ATP8B1: variants seen among roughly 807,000 people sequenced by gnomAD.
The protein encoded by ATP8B1 is ATPase phospholipid transporting 8B1.
Under a neutral mutation model 149.9 loss-of-function variants are expected in ATP8B1, and 80 were observed. The ratio of observed to expected loss-of-function variants is 0.53; its 90% confidence interval spans 0.45 to 0.64. ATP8B1 has a LOEUF of 0.64. Among genes scored for constraint, ATP8B1 ranks in the 30% least tolerant of loss-of-function variants. ATP8B1 has a pLI of 0.00. For missense variants in ATP8B1, 1,247 were observed against 1,552.6 expected, an observed-to-expected ratio of 0.80 and a Z score of 3.31; for synonymous variants, 536 against 562.8, an observed-to-expected ratio of 0.95 and a Z score of 0.67.
At chr18:57,668,187 A>T (rs1175231697) in intron 19 of ATP8B1, 2 of 1,428,018 alleles carry the variant, frequency 1.4e-6, no homozygotes, top group African/African-American at 2.9e-5. Context: ...ACCAATTATA[A>T]TCAGCAAGAC....
At chr18:57,764,415 TTCTC>T (rs144258572) in intron 1 of ATP8B1, among the ~76,000 whole-genome samples, 5 of 118,152 alleles carry the variant, frequency 4.2e-5, no homozygotes, top group South Asian at 5.6e-4. Context: ...CTTTCTCTCT[TTCTC>T]TCTTTCTTTC....
rs534876384 is a variant in ATP8B1 at position 57,684,975 on chromosome 18, C to T, written c.1473+97G>A. On this transcript the variant is annotated intron_variant, in intron 14 of 27. Transcript: ENST00000648908. ...ACCACCAGGAGCAGGGAAGAGGCAA[C>T]GAAAGAGTCTTCCCTAGACCTTCAA... 2,106 of 1,483,540 alleles carry T rather than the reference C, an allele frequency of 1.4e-3. 9 individuals carry two copies. The highest frequency in any genetic ancestry group is 1.3e-3 in the Non-Finnish European group (1,379 of 1,062,192). The allele number at this position is 1,483,540 out of a possible 1,614,324, so 91.9% of individuals were successfully genotyped here. A position where few individuals can be genotyped will look rare whatever the true frequency, so the allele number is the denominator to read the frequency against.
rs1599071629 is a variant in ATP8B1 at position 57,655,141 on chromosome 18, ATTCAT to A, written c.2931+48_2931+52del. 4.0e-6 allele frequency: 6 copies of A among 1,493,922 alleles called. No homozygotes were observed. The East Asian group carries it at 1.4e-4, about 34-fold the overall frequency. The allele number at this position is 1,493,922 out of a possible 1,614,324, so 92.5% of individuals were successfully genotyped here. A position where few individuals can be genotyped will look rare whatever the true frequency, so the allele number is the denominator to read the frequency against. ...ATTGTCTTTTCAGAACTAGATTTTT[ATTCAT>A]TTAAGAGCTCTACTTAGTAAATAAC... is the stretch of plus-strand genomic sequence containing the variant. On this transcript the variant is annotated intron_variant, in intron 23 of 27. Coordinates refer to ENST00000648908, the MANE Select transcript of ATP8B1 (RefSeq NM_001374385.1).
chr18:57,801,540 G>A (rs2571217), intron 1 of ATP8B1, among the ~76,000 whole-genome samples: 41,845 of 152,014 alleles, frequency 0.28, 6,280 homozygotes, highest in East Asian at 0.55. Context: ...ATTCCTTAGC[G>A]GACGAAAATT....
At chr18:57,735,934 T>A (rs1389450888) in intron 1 of ATP8B1, among the ~76,000 whole-genome samples, 4 of 152,114 alleles carry the variant, frequency 2.6e-5, no homozygotes, top group Non-Finnish European at 5.9e-5. Context: ...CCTGCATGCA[T>A]TAGGTATTTG....
chr18:57,682,409 C>G (rs1208128275), intron 15 of ATP8B1, among the ~76,000 whole-genome samples: 1 of 152,156 alleles, frequency 6.6e-6, no homozygotes, highest in African/African-American at 2.4e-5. Flanking sequence ...GCATGTAGTC[C>G]AGGGCTCTTC....
chr18:57,668,147 C>T (rs770952942), intron 19 of ATP8B1: 28 of 1,367,942 alleles, frequency 2.0e-5, no homozygotes, highest in East Asian at 8.0e-5. Flanking sequence ...CCTTTCAGGA[C>T]GGGAACCCAC....
At chr18:57,693,752 C>T (rs1912661650) in intron 11 of ATP8B1, among the ~76,000 whole-genome samples, 1 of 151,490 alleles carries the variant, frequency 6.6e-6, no homozygotes, top group African/African-American at 2.4e-5. Context: ...CTCATGATGC[C>T]TAACTGTGCA....
At chr18:57,650,058 A>C (rs1453395188) in intron 27 of ATP8B1, among the ~76,000 whole-genome samples, 1 of 152,230 alleles carries the variant, frequency 6.6e-6, no homozygotes, top group East Asian at 1.9e-4. Context: ...AATAAAGAAA[A>C]AAAACCCAAT....
chr18:57,738,842 C>G (rs897818235), intron 1 of ATP8B1, among the ~76,000 whole-genome samples: 4 of 152,028 alleles, frequency 2.6e-5, no homozygotes, highest in African/African-American at 4.8e-5. Flanking sequence ...TTACACCCTT[C>G]CTGGGTGTTA....
At chr18:57,787,362 G>T (rs2123438279) in intron 1 of ATP8B1, among the ~76,000 whole-genome samples, 1 of 152,246 alleles carries the variant, frequency 6.6e-6, no homozygotes, top group South Asian at 2.1e-4. Flanking sequence ...GAGCCTAAAA[G>T]CTCCATCTAG....
At chr18:57,649,593 T>C (rs1430469599) in intron 27 of ATP8B1, among the ~76,000 whole-genome samples, 1 of 152,078 alleles carries the variant, frequency 6.6e-6, no homozygotes, top group Non-Finnish European at 1.5e-5. Context: ...GTATTCAGAT[T>C]GCCCCCCCCA....
intron 22 of ATP8B1, among the ~76,000 whole-genome samples, chr18:57,656,390 T>C (rs1419685767): frequency 2.7e-5 from 4 of 146,562 alleles, no homozygotes; most frequent in Non-Finnish European, 4.5e-5. Flanking sequence ...TCTCTCTCTT[T>C]TTTTTTTTTT....
rs762815189 is a variant in ATP8B1 at position 57,661,208 on chromosome 18, G to A, written c.2673C>T (p.Ile891=). ...TGTTCACGTCATTGGCCCCATCTCC[G>A]ATGGCCAGCGTGATGGCTTTCTTGT... ...KRYKKAITLA[I]GDGANDVNMI... The change falls in exon 22 of 28, where the codon ATC becomes ATT. Residue 891 remains isoleucine, a synonymous_variant. Transcript: ENST00000648908. 7 of 1,613,982 alleles carry A rather than the reference G, an allele frequency of 4.3e-6. No individual in the cohort carries two copies. Among genetic ancestry groups the A allele is most frequent in the East Asian group, 2.2e-5 (1 of 44,850 alleles).
At chr18:57,665,898 G>A (rs1910825483) in intron 20 of ATP8B1, among the ~76,000 whole-genome samples, 1 of 151,934 alleles carries the variant, frequency 6.6e-6, no homozygotes, top group South Asian at 2.1e-4. Context: ...CATGGCTTAT[G>A]TACCTCTATT....
chr18:57,737,853 C>T (rs1005528432), intron 1 of ATP8B1: 2 of 152,336 alleles, frequency 1.3e-5, no homozygotes, highest in Non-Finnish European at 2.9e-5. Flanking sequence ...ATGTCCGTGA[C>T]TCAAAGCAAG....
intron 1 of ATP8B1, among the ~76,000 whole-genome samples, chr18:57,773,200 T>TAAAAAAAAAAA (rs530739448): frequency 8.0e-6 from 1 of 125,572 alleles, no homozygotes; most frequent in African/African-American, 3.1e-5. Context: ...AGACTCTGTC[T>TAAAAAAAAAAA]TAAAAAAAAA....
intron 1 of ATP8B1, among the ~76,000 whole-genome samples, chr18:57,767,331 C>T (rs1404970189): frequency 6.6e-6 from 1 of 152,198 alleles, no homozygotes; most frequent in Non-Finnish European, 1.5e-5. Flanking sequence ...AGAAAGCCTT[C>T]TGCTGCTCAG....
Position 57,760,439 on chromosome 18 carries a change from C to T in ATP8B1, c.-25-28607G>A, listed in dbSNP as rs72627260. ...GCCCCAGAGATGCCTGAGGAACCCC[C>T]TCTGTGGCCAGCCTATCTCCACCTT... On this transcript the variant is annotated intron_variant, in intron 1 of 27. Coordinates refer to ENST00000648908, the MANE Select transcript of ATP8B1 (RefSeq NM_001374385.1). Among the ~76,000 whole-genome samples the T allele has an allele frequency of 8.3e-3, 1,271 of 152,262 alleles. 24 individuals are homozygous for T. The East Asian group carries it at 0.088, about 11-fold the overall frequency.
Sources: allele counts gnomAD v4.1 joint callset (sites outside exome capture counted in the v4.1 genomes callset), GRCh38; gene constraint gnomAD v4.1.1; transcripts MANE v1.5; gene names NCBI Gene and HGNC (gene_info 2026-07-23, HGNC 2026-07-21).